OR7E24: variants seen among roughly 807,000 people sequenced by gnomAD.
OR7E24 encodes the protein olfactory receptor 7E24.
For missense variants in OR7E24, 385 were observed against 410.3 expected (o/e 0.94, Z 0.53); for synonymous variants, 130 against 157.5 (o/e 0.83, Z 1.31).
At chr19:9,235,790 T>C in the OR7E24 span, 1 of 1,610,634 alleles carries the variant, frequency 6.2e-7, no homozygotes, top group Non-Finnish European at 8.5e-7. Context: ...GGGATCCTCT[T>C]CTCCTACTCT....
the OR7E24 span, among the ~76,000 whole-genome samples, chr19:9,221,266 G>A: frequency 2.9e-5 from 4 of 137,422 alleles, no homozygotes; most frequent in South Asian, 2.3e-4. Flanking sequence ...AGCGAGACTC[G>A]TCTCAAGAAA....
chr19:9,218,654 T>G, the OR7E24 span, among the ~76,000 whole-genome samples: 1 of 152,062 alleles, frequency 6.6e-6, no homozygotes, highest in Non-Finnish European at 1.5e-5. Context: ...GGGGGGGACA[T>G]GGTGTCACTT....
chr19:9,216,132 C>T, the OR7E24 span, among the ~76,000 whole-genome samples: 7 of 152,180 alleles, frequency 4.6e-5, no homozygotes, highest in African/African-American at 1.7e-4. Context: ...CTCCATGATT[C>T]AATTTCCTCC....
At chr19:9,225,900 ACT>A in the OR7E24 span, among the ~76,000 whole-genome samples, 5 of 152,120 alleles carry the variant, frequency 3.3e-5, no homozygotes, top group Non-Finnish European at 7.4e-5. Flanking sequence ...TGGTGGAAAC[ACT>A]CATCTCTCTT....
At chr19:9,235,193 T>C in the OR7E24 span, 1 of 1,471,936 alleles carries the variant, frequency 6.8e-7, no homozygotes, top group East Asian at 2.3e-5. Flanking sequence ...CTCTTAGGAC[T>C]CTCAGATGAT....
chr19:9,234,282 T>A, the OR7E24 span, among the ~76,000 whole-genome samples: 12 of 152,302 alleles, frequency 7.9e-5, no homozygotes, highest in South Asian at 2.3e-3. Context: ...AGATTCCATT[T>A]CCTAAATTAC....
At chr19:9,249,504 T>C (rs745590239), upstream of OR7E24, among the ~76,000 whole-genome samples, 13 of 152,104 alleles carry the variant, frequency 8.5e-5, no homozygotes, top group Non-Finnish European at 1.9e-4. Flanking sequence ...CAACATTCAA[T>C]TACTTAAAGA....
chr19:9,213,153 T>C, the OR7E24 span: 1 of 152,216 alleles, frequency 6.6e-6, no homozygotes, highest in African/African-American at 2.4e-5. Context: ...ATGGTTTTCA[T>C]TTTATTTCCT....
At chr19:9,234,614 G>C in the OR7E24 span, among the ~76,000 whole-genome samples, 1 of 152,154 alleles carries the variant, frequency 6.6e-6, no homozygotes, top group South Asian at 2.1e-4. Flanking sequence ...AATACTGAAG[G>C]TGGTAGACAC....
chr19:9,212,856 G>A, the OR7E24 span: 17 of 152,186 alleles, frequency 1.1e-4, no homozygotes, highest in Non-Finnish European at 1.9e-4. Context: ...AGGCTCCAGT[G>A]ATTCTCCTGC....
the OR7E24 span, chr19:9,214,662 A>C: frequency 6.2e-7 from 1 of 1,614,162 alleles, no homozygotes; most frequent in East Asian, 2.2e-5. Flanking sequence ...GAAGAAGTAC[A>C]TGGGGGTGTG....
At chr19:9,223,127 C>A in the OR7E24 span, among the ~76,000 whole-genome samples, 1 of 152,162 alleles carries the variant, frequency 6.6e-6, no homozygotes, top group East Asian at 1.9e-4. Flanking sequence ...TTTGCACCAT[C>A]CTTGTGAGGA....
chr19:9,221,133 G>A, the OR7E24 span, among the ~76,000 whole-genome samples: 1 of 151,186 alleles, frequency 6.6e-6, no homozygotes, highest in Non-Finnish European at 1.5e-5. Context: ...TTAGCCGGGC[G>A]TGGTGGCGGG....
Position 9,251,820 on chromosome 19 carries a change from T to C in OR7E24, c.777T>C (p.Cys259=). ...GGAAGTATAAAGCCTTCTCCACCTG[T>C]GGCTCTCACCTGGCAGTTGTTTGCT... ...SDGKYKAFST[C]GSHLAVVCLF... The change falls in exon 1 of 1, where the codon TGT becomes TGC. Residue 259 remains cysteine, a synonymous_variant. Coordinates refer to ENST00000456448, the MANE Select transcript of OR7E24 (RefSeq NM_001079935.2). 1 of 1,613,674 alleles carries C rather than the reference T, an allele frequency of 6.2e-7. No individual in the cohort carries two copies. Among genetic ancestry groups the C allele is most frequent in the South Asian group, 1.1e-5 (1 of 91,012 alleles).
At chr19:9,227,084 C>A in the OR7E24 span, among the ~76,000 whole-genome samples, 18 of 152,080 alleles carry the variant, frequency 1.2e-4, no homozygotes, top group Admixed American at 9.8e-4. Context: ...TGTGTAGTTC[C>A]CCTCTCTGTG....
In OR7E24 at chr19:9,251,930, A is replaced by T; in HGVS notation, c.887A>T (p.Tyr296Phe). 1 of 1,614,112 alleles carries T rather than the reference A, an allele frequency of 6.2e-7. No homozygotes were observed. The highest frequency in any genetic ancestry group is 8.5e-7 in the Non-Finnish European group (1 of 1,180,000). ...AAGAGTATGGTGGCTTCAGTGATGT[A>T]CACTGTGGTCACCCCCATGCTGAAC... ...PRKSMVASVM[Y>F]TVVTPMLNPF... The change falls in exon 1 of 1, where the codon TAC becomes TTC. Residue 296 changes from tyrosine to phenylalanine, a missense_variant. Physicochemically the swap from Tyr to Phe is conservative, Grantham distance 22. Coordinates refer to ENST00000456448, the MANE Select transcript of OR7E24 (RefSeq NM_001079935.2).
the OR7E24 span, among the ~76,000 whole-genome samples, chr19:9,240,514 T>C: frequency 6.6e-6 from 1 of 152,172 alleles, no homozygotes; most frequent in Non-Finnish European, 1.5e-5. Context: ...TCGGCATCTT[T>C]GTCAAAAAAT....
the OR7E24 span, among the ~76,000 whole-genome samples, chr19:9,234,971 C>T: frequency 6.6e-6 from 1 of 152,142 alleles, no homozygotes; most frequent in Non-Finnish European, 1.5e-5. Context: ...AAGATTACTG[C>T]TAAATTAAAG....
chr19:9,234,391 C>G, the OR7E24 span, among the ~76,000 whole-genome samples: 1 of 152,164 alleles, frequency 6.6e-6, no homozygotes, highest in African/African-American at 2.4e-5. Context: ...TACTGAGACT[C>G]TTATTGTACA....
Sources: allele counts gnomAD v4.1 joint callset (sites outside exome capture counted in the v4.1 genomes callset), GRCh38; gene constraint gnomAD v4.1.1; transcripts MANE v1.5; gene names NCBI Gene and HGNC (gene_info 2026-07-23, HGNC 2026-07-21).